Variants in DLG4 observed in about 807,000 individuals in gnomAD.
The protein encoded by DLG4 is disks large homolog 4.
A neutral mutation model predicts 93.8 loss-of-function variants in DLG4; 7 were observed. The ratio of observed to expected loss-of-function variants is 0.07; its 90% CI spans 0.04 to 0.14. DLG4 has a LOEUF of 0.14. DLG4 is among the 10% of genes least tolerant of loss of function. The pLI, the probability that DLG4 is intolerant of heterozygous loss-of-function variation, is 1.00. For missense variants in DLG4, 545 were observed against 992.9 expected (o/e 0.55, Z 6.06); for synonymous variants, 341 against 387.6 (o/e 0.88, Z 1.41).
At position 7,193,261 on chromosome 17, in the gene DLG4, C is replaced by T; in HGVS notation, c.1694-144G>A. ...CAGGGAGACCAAGACTGCAGAGGGC[C>T]AGAACCGCTTCCCCTAGCACCCTCC... On this transcript the variant is annotated intron_variant, in intron 16 of 19. Coordinates refer to ENST00000399506, the MANE Select transcript of DLG4 (RefSeq NM_001321075.3). This position sits in a 1 kb window ranked among gnomAD's most constrained non-coding sequence, Gnocchi z 6.7. 1 of 1,285,206 alleles carries T rather than the reference C, an allele frequency of 7.8e-7. No homozygotes were observed. Among genetic ancestry groups the T allele is most frequent in the Non-Finnish European group, 1.1e-6 (1 of 914,872 alleles). The allele number at this position is 1,285,206 out of a possible 1,614,324, so 79.6% of individuals were successfully genotyped here.
upstream of DLG4, chr17:7,219,879 G>A (rs771984326): frequency 3.1e-5 from 48 of 1,541,510 alleles, no homozygotes; most frequent in Non-Finnish European, 4.2e-5. Context: ...CCGCCGCCCG[G>A]TGCACTGTGG....
intron 1 of DLG4, among the ~76,000 whole-genome samples, chr17:7,211,101 G>T (rs530554572): frequency 2.0e-5 from 3 of 147,332 alleles, no homozygotes; most frequent in Non-Finnish European, 3.0e-5. Flanking sequence ...GTACATGTAG[G>T]GGGGCGGGGA....
intron 1 of DLG4, among the ~76,000 whole-genome samples, chr17:7,209,435 C>T (rs927933227): frequency 2.6e-5 from 4 of 152,130 alleles, no homozygotes; most frequent in South Asian, 2.1e-4. Flanking sequence ...AGGTATCATA[C>T]GCAGGGATCC....
chr17:7,204,389 G>A, intron 2 of DLG4, 137 bp from the exon 3 acceptor site: 1 of 773,420 alleles, frequency 1.3e-6, no homozygotes, highest in Middle Eastern at 3.3e-4. Context: ...AGCTGCTCAA[G>A]GGCCCAGCCT....
At chr17:7,198,777 G>A (rs1222156999) in intron 8 of DLG4, among the ~76,000 whole-genome samples, 5 of 151,334 alleles carry the variant, frequency 3.3e-5, no homozygotes, top group African/African-American at 9.7e-5. Context: ...GAACCCGGGC[G>A]GCAGAGGTTG....
At position 7,194,103 on chromosome 17, in the gene DLG4, C is replaced by G; in HGVS notation, c.1479-103G>C. 2 of 1,454,906 alleles carry G rather than the reference C, an allele frequency of 1.4e-6. No homozygotes were observed. Among genetic ancestry groups the G allele is most frequent in the East Asian group, 4.9e-5 (2 of 40,950 alleles). 90.1% of individuals were successfully genotyped at this position (1,454,906 alleles called of 1,614,324 possible). A position where few individuals can be genotyped will look rare whatever the true frequency, so the allele number is the denominator to read the frequency against. The stretch of plus-strand genomic sequence containing the variant: ...ACCCCTTCTCCATACTCTGGGCCAG[C>G]TGACACCCCTTCTCCTGCAGCCCTG... On this transcript the variant is annotated intron_variant, in intron 12 of 19. Coordinates refer to ENST00000399506, the MANE Select transcript of DLG4 (RefSeq NM_001321075.3). The surrounding 1 kb of genome is among the most constrained non-coding windows in gnomAD (Gnocchi z 4.4).
chr17:7,217,157 C>G lies in DLG4; in HGVS notation c.-10G>C. 7.8e-7 allele frequency: 1 copy of G among 1,289,428 alleles called. No individual in the cohort carries two copies. The highest frequency in any genetic ancestry group is 9.9e-7 in the Non-Finnish European group (1 of 1,014,844). 79.9% of individuals were successfully genotyped at this position (1,289,428 alleles called of 1,614,324 possible). Reference sequence around the variant, plus strand: ...TACAGAGACAGTCCATGTTGGGGGGCCTGGCCGCGGCGGCGGGTAAGGGGC... The same window carrying G: ...TACAGAGACAGTCCATGTTGGGGGGGCTGGCCGCGGCGGCGGGTAAGGGGC... On this transcript the variant is annotated 5_prime_UTR_variant, in exon 1 of 20. Transcript: ENST00000399506.
chr17:7,196,136 A>C lies in DLG4; in HGVS notation c.1301+84T>G. On this transcript the variant is annotated intron_variant, in intron 11 of 19. Transcript: ENST00000399506. This position sits in a 1 kb window ranked among gnomAD's most constrained non-coding sequence, Gnocchi z 8.3. ...GGAGCTAGAGCAGGCAGGGTGGAGA[A>C]GAGGAGCGGCTGAGGCCCGGGCCAG... The C allele has an allele frequency of 9.9e-7, 1 of 1,008,602 alleles. No homozygotes were observed. Among genetic ancestry groups the C allele is most frequent in the Non-Finnish European group, 1.5e-6 (1 of 678,054 alleles). 62.5% of individuals were successfully genotyped at this position (1,008,602 alleles called of 1,614,324 possible).
intron 17 of DLG4, chr17:7,192,219 C>A (rs540410782): frequency 2.3e-6 from 1 of 430,530 alleles, no homozygotes; most frequent in Non-Finnish European, 4.1e-6. Flanking sequence ...ATGGAGAGCA[C>A]GGGAGAGGGC....
At position 7,190,877 on chromosome 17, in the gene DLG4, G is replaced by T. The variant is rs1480550838; in HGVS notation, c.2069-63C>A. 4 of 1,376,504 alleles carry T rather than the reference G, an allele frequency of 2.9e-6. No individual in the cohort carries two copies. The African/African-American group carries it at 5.7e-5, about 20-fold the overall frequency. The allele number at this position is 1,376,504 out of a possible 1,614,324, so 85.3% of individuals were successfully genotyped here. On this transcript the variant is annotated intron_variant, in intron 19 of 19. Transcript: ENST00000399506. ...GGGCCAGAGGACACCTGGCCAAGGG[G>T]GTTGCACCAGCCCAGAGGAAGGGGC...
Position 7,188,331 on chromosome 17 carries a change from T to C in DLG4, c.*2377A>G, listed in dbSNP as rs314253. Among the ~76,000 whole-genome samples, 55,956 of 152,036 alleles carry C rather than the reference T, an allele frequency of 0.37. 10,494 individuals are homozygous for C. Among genetic ancestry groups the C allele is most frequent in the East Asian group, 0.47 (2,444 of 5,170 alleles). On this transcript the variant is annotated 3_prime_UTR_variant, in exon 20 of 20. Coordinates refer to ENST00000399506, the MANE Select transcript of DLG4 (RefSeq NM_001321075.3). The stretch of plus-strand genomic sequence containing the variant: ...ATCCACAGAATCACTACCCCTGGGT[T>C]GGTCTTTTGCATGAAACTCTCAACT...
intron 1 of DLG4, chr17:7,211,699 T>A (rs1567550032): frequency 2.1e-6 from 2 of 954,140 alleles, no homozygotes; most frequent in Non-Finnish European, 2.5e-6. Flanking sequence ...CGAGCCGACA[T>A]GGAGAAGGGG....
At chr17:7,211,218 G>A (rs1429572005) in intron 1 of DLG4, among the ~76,000 whole-genome samples, 11 of 151,720 alleles carry the variant, frequency 7.3e-5, no homozygotes, top group Non-Finnish European at 7.4e-5. Context: ...TTGGATTACA[G>A]GGCAACTAAA....
In DLG4 at chr17:7,194,012, A is replaced by G. The variant is rs760126196; in HGVS notation, c.1479-12T>C. 2 of 1,613,258 alleles carry G rather than the reference A, an allele frequency of 1.2e-6. No individual in the cohort carries two copies. Among genetic ancestry groups the G allele is most frequent in the African/African-American group, 1.3e-5 (1 of 74,972 alleles). ...CTCGTCGCTCAACCCTGTGGGATAC[A>G]TGGAGGGATACGCGGGTAGGGGAAT... On this transcript the variant is annotated splice_polypyrimidine_tract_variant and intron_variant, in intron 12 of 19. Transcript: ENST00000399506. This position sits in a 1 kb window ranked among gnomAD's most constrained non-coding sequence, Gnocchi z 4.4.
At position 7,191,911 on chromosome 17, in the gene DLG4, CG is replaced by C; in HGVS notation, c.1957del (p.Arg653AlafsTer7). On this transcript the variant is annotated frameshift_variant, in exon 18 of 20. Transcript: ENST00000399506. LOFTEE classifies it high-confidence loss of function. This position sits in a 1 kb window ranked among gnomAD's most constrained non-coding sequence, Gnocchi z 6.6. Reference protein sequence around the residue: ...LHPIAIFIRPRSLENVLEINK... With the variant: ...LHPIAIFIRPXSLENVLEINK... ...TACTCACAGCACATTCTCCAGGGAG[CG>C]GGGGCGGATGAAGATGGCGATGGGG... is the stretch of plus-strand genomic sequence containing the variant. 1.4e-6 allele frequency: 2 copies of C among 1,476,524 alleles called. No individual in the cohort carries two copies. Among genetic ancestry groups the C allele is most frequent in the Non-Finnish European group, 9.0e-7 (1 of 1,109,848 alleles). The allele number at this position is 1,476,524 out of a possible 1,614,324, so 91.5% of individuals were successfully genotyped here. A position where few individuals can be genotyped will look rare whatever the true frequency, so the allele number is the denominator to read the frequency against.
rs775746044 is a variant in DLG4 at position 7,196,333 on chromosome 17, C to T, written c.1188G>A (p.Glu396=). ...GGATCTTGGCCTCGAATCGGCTGTA[C>T]TCTGAGGAAGGACAGGGAGGTTTCT... ...VTIIAQYKPE[E]YSRFEAKIHD... The change falls in exon 11 of 20, where the codon GAG becomes GAA. Residue 396 remains glutamate (E), a splice_region_variant and synonymous_variant. Transcript: ENST00000399506. This position sits in a 1 kb window ranked among gnomAD's most constrained non-coding sequence, Gnocchi z 8.3. 11 of 1,613,888 alleles carry T rather than the reference C, an allele frequency of 6.8e-6. No individual in the cohort carries two copies. The highest frequency in any genetic ancestry group is 1.3e-5 in the African/African-American group (1 of 74,922).
intron 8 of DLG4, among the ~76,000 whole-genome samples, chr17:7,200,553 T>TG (rs398119663): frequency 6.6e-6 from 1 of 151,846 alleles, no homozygotes; most frequent in Non-Finnish European, 1.5e-5. Context: ...TTTTTTTTTT[T>TG]GTCGTTTTTT....
In DLG4 at chr17:7,191,199, CG is replaced by C; in HGVS notation, c.2068+67del. On this transcript the variant is annotated intron_variant, in intron 19 of 19. Coordinates refer to ENST00000399506, the MANE Select transcript of DLG4 (RefSeq NM_001321075.3). This position sits in a 1 kb window ranked among gnomAD's most constrained non-coding sequence, Gnocchi z 6.6. Reference sequence around the variant, plus strand: ...TTTCTAAGCCATCCACTGGGGGTGGCGGGGGAGCTCTTTCTAATCCGAGCAA... The same window carrying C: ...TTTCTAAGCCATCCACTGGGGGTGGCGGGGAGCTCTTTCTAATCCGAGCAA... 2 of 1,482,980 alleles carry C rather than the reference CG, an allele frequency of 1.3e-6. No homozygotes were observed. 91.9% of individuals were successfully genotyped at this position (1,482,980 alleles called of 1,614,324 possible).
intron 1 of DLG4, 30 bp downstream of exon 1, chr17:7,217,088 C>A: frequency 7.8e-7 from 1 of 1,283,232 alleles, no homozygotes; most frequent in Non-Finnish European, 9.9e-7. Flanking sequence ...ATACCCTCCC[C>A]CCAGTTTATA....
Sources: allele counts gnomAD v4.1 joint callset (sites outside exome capture counted in the v4.1 genomes callset), GRCh38; gene constraint gnomAD v4.1.1; non-coding constraint Gnocchi (gnomAD v3.1); transcripts MANE v1.5; gene names NCBI Gene and HGNC (gene_info 2026-07-23, HGNC 2026-07-21).